NPEPL1: variants seen among roughly 807,000 people sequenced by gnomAD.
NPEPL1 encodes the protein probable aminopeptidase NPEPL1.
In NPEPL1, 45 loss-of-function variants were observed where a neutral mutation model predicts 52.4. The observed-to-expected ratio is 0.86, with a 90% confidence interval of 0.68 to 1.10. NPEPL1 has a LOEUF of 1.10. NPEPL1 is among the 50% of genes least tolerant of loss of function. The pLI is 0.00. For missense variants in NPEPL1, 696 were observed against 710.9 expected, an observed-to-expected ratio of 0.98 and a Z score of 0.24; for synonymous variants, 360 against 314.7, an observed-to-expected ratio of 1.14 and a Z score of -1.52.
At chr20:58,709,990 T>C (rs1455277330) in intron 7 of NPEPL1, among the ~76,000 whole-genome samples, 2 of 151,186 alleles carry the variant, frequency 1.3e-5, no homozygotes, top group African/African-American at 4.9e-5. Flanking sequence ...GATGCTGACA[T>C]TGGCAGAATC....
chr20:58,700,544 A>G (rs1259847119), intron 5 of NPEPL1, among the ~76,000 whole-genome samples: 4 of 152,222 alleles, frequency 2.6e-5, no homozygotes. Flanking sequence ...CTGCACACGC[A>G]CAGGCCACAG....
chr20:58,695,706 C>T (rs1267655054), intron 3 of NPEPL1, among the ~76,000 whole-genome samples: 1 of 152,222 alleles, frequency 6.6e-6, no homozygotes, highest in Non-Finnish European at 1.5e-5. Context: ...GCCCCTCAAC[C>T]CAAATTCTTC....
chr20:58,701,469 TGGGTTCGGGGAGAGTGCGCAGGGC>T (rs1255839228), intron 6 of NPEPL1, among the ~76,000 whole-genome samples: 5 of 31,118 alleles, frequency 1.6e-4, no homozygotes, highest in East Asian at 8.2e-4. Context: ...TGGGTTGGGG[TGGGTTCGGGGAGAGTGCGCAGGGC>T]GGGTTCCCAT....
chr20:58,691,705 T>TTTTTTTTTTTTTTTTTTTTGTG, upstream of NPEPL1: 1 of 750,052 alleles, frequency 1.3e-6, no homozygotes, highest in Admixed American at 3.2e-5. Flanking sequence ...TTTTTTTTTT[T>TTTTTTTTTTTTTTTTTTTTGTG]TTTTTTTTTC....
At chr20:58,691,336 A>G (rs1324791991), upstream of NPEPL1, 1 of 516,372 alleles carries the variant, frequency 1.9e-6, no homozygotes, top group Non-Finnish European at 3.5e-6. Flanking sequence ...TGAGGGTTTC[A>G]AAGGAATGCC....
chr20:58,690,972 T>G, upstream of NPEPL1: 1 of 595,280 alleles, frequency 1.7e-6, no homozygotes, highest in Non-Finnish European at 3.0e-6. Flanking sequence ...AGGAACCTTC[T>G]GTTCTAACCA....
chr20:58,695,500 C>T (rs979284114), intron 3 of NPEPL1, among the ~76,000 whole-genome samples: 1 of 152,192 alleles, frequency 6.6e-6, no homozygotes, highest in Non-Finnish European at 1.5e-5. Flanking sequence ...CGGCAGCGGT[C>T]CCAGCCTCTG....
intron 6 of NPEPL1, among the ~76,000 whole-genome samples, chr20:58,705,294 C>T (rs1601119455): frequency 6.6e-6 from 1 of 152,122 alleles, no homozygotes; most frequent in African/African-American, 2.4e-5. Flanking sequence ...CAGAGTGGCT[C>T]ATGGAGCTCA....
intron 6 of NPEPL1, among the ~76,000 whole-genome samples, chr20:58,702,582 G>GTAAT (rs2084655394): frequency 6.6e-6 from 1 of 152,082 alleles, no homozygotes; most frequent in African/African-American, 2.4e-5. Flanking sequence ...GTCTCTTGGG[G>GTAAT]TAATAGATGG....
chr20:58,692,682 GC>G, upstream of NPEPL1: 2 of 387,288 alleles, frequency 5.2e-6, no homozygotes, highest in Non-Finnish European at 7.0e-6. The surrounding 1 kb of genome is among the most constrained non-coding windows in gnomAD (Gnocchi z 5.7). Flanking sequence ...GCCCGGCCGG[GC>G]CTGCCCGCAC....
intron 5 of NPEPL1, 64 bp downstream of exon 5, chr20:58,699,342 C>A: frequency 7.7e-7 from 1 of 1,301,432 alleles, no homozygotes; most frequent in Non-Finnish European, 1.1e-6. Flanking sequence ...ACTTGGGTGG[C>A]AGGGGGTCGG....
Position 58,692,800 on chromosome 20 carries a change from A to AGGGCCGGGGCGGTGCCGAGGCC in NPEPL1, c.-93_-72dup, listed in dbSNP as rs1197424227. The AGGGCCGGGGCGGTGCCGAGGCC allele has an allele frequency of 2.1e-6, 2 of 969,204 alleles. No homozygotes were observed. Among genetic ancestry groups the AGGGCCGGGGCGGTGCCGAGGCC allele is most frequent in the South Asian group, 4.6e-5 (1 of 21,690 alleles). 60.0% of individuals were successfully genotyped at this position (969,204 alleles called of 1,614,324 possible). On this transcript the variant is annotated 5_prime_UTR_variant, in exon 1 of 12. Transcript: ENST00000356091. This position sits in a 1 kb window ranked among gnomAD's most constrained non-coding sequence, Gnocchi z 5.7. ...AGGCGGGGCCCGCGGGCTGCCGGGCAGGGCCGGGGCGGTGCCGAGGCCGGG... is the reference window on the plus strand; with the variant it reads ...AGGCGGGGCCCGCGGGCTGCCGGGCAGGGCCGGGGCGGTGCCGAGGCCGGGCCGGGGCGGTGCCGAGGCCGGG...
chr20:58,692,912 G>A lies in NPEPL1; in HGVS notation c.12G>A (p.Val4=). Residue 4 remains valine, a synonymous_variant, in exon 1 of 12, where the codon GTG becomes GTA. Coordinates refer to ENST00000356091, the MANE Select transcript of NPEPL1 (RefSeq NM_024663.4). The surrounding 1 kb of genome is among the most constrained non-coding windows in gnomAD (Gnocchi z 5.7). ...GGGCCGGCAGGAAGATGGCGAACGT[G>A]GGGCTGCAGTTCCAGGCGAGCGCGG... MAN[V]GLQFQASAGD... The A allele has an allele frequency of 4.6e-6, 5 of 1,083,040 alleles. No individual in the cohort carries two copies. The highest frequency in any genetic ancestry group is 1.1e-6 in the Non-Finnish European group (1 of 888,444). 67.1% of individuals were successfully genotyped at this position (1,083,040 alleles called of 1,614,324 possible).
At chr20:58,698,834 G>A (rs1400134029) in intron 4 of NPEPL1, 61 bp downstream of exon 4, 4 of 1,421,364 alleles carry the variant, frequency 2.8e-6, no homozygotes, top group Non-Finnish European at 3.9e-6. Context: ...TAGACTCCCA[G>A]GAGAGCCAGA....
Position 58,715,577 on chromosome 20 carries a change from T to G in NPEPL1, c.*251T>G. On this transcript the variant is annotated 3_prime_UTR_variant, in exon 12 of 12. Coordinates refer to ENST00000356091, the MANE Select transcript of NPEPL1 (RefSeq NM_024663.4). ...GACTGAGACATCTTCTGTAAACTGC[T>G]ACCCCTGGGGCCTTCTGCACCCCGG... The G allele has an allele frequency of 1.1e-5, 4 of 368,860 alleles. No individual in the cohort carries two copies. The highest frequency in any genetic ancestry group is 1.5e-5 in the Non-Finnish European group (3 of 205,480). The allele number at this position is 368,860 out of a possible 1,614,324, so 22.8% of individuals were successfully genotyped here. A position where few individuals can be genotyped will look rare whatever the true frequency, so the allele number is the denominator to read the frequency against.
Position 58,692,895 on chromosome 20 carries a change from A to G in NPEPL1, c.-6A>G, listed in dbSNP as rs1016312706. On this transcript the variant is annotated 5_prime_UTR_variant, in exon 1 of 12. Transcript: ENST00000356091. This position sits in a 1 kb window ranked among gnomAD's most constrained non-coding sequence, Gnocchi z 5.7. ...GGGCAGGGCCGGGGCGTGGGCCGGCAGGAAGATGGCGAACGTGGGGCTGCA... is the reference window on the plus strand; with the variant it reads ...GGGCAGGGCCGGGGCGTGGGCCGGCGGGAAGATGGCGAACGTGGGGCTGCA... The G allele has an allele frequency of 1.9e-6, 2 of 1,050,788 alleles. No homozygotes were observed. Among genetic ancestry groups the G allele is most frequent in the East Asian group, 6.7e-5 (1 of 14,862 alleles). 65.1% of individuals were successfully genotyped at this position (1,050,788 alleles called of 1,614,324 possible).
intron 6 of NPEPL1, chr20:58,703,356 C>A: frequency 2.0e-6 from 1 of 508,522 alleles, no homozygotes; most frequent in East Asian, 1.5e-4. Context: ...TTCAGAGATA[C>A]CGGCACACGG....
chr20:58,701,185 G>T, intron 6 of NPEPL1, 27 bp downstream of exon 6: 1 of 1,474,756 alleles, frequency 6.8e-7, no homozygotes, highest in Non-Finnish European at 9.1e-7. Flanking sequence ...CTCTCAGGGT[G>T]CCCTGGGGGA....
At chr20:58,690,030 C>G (rs991884603), upstream of NPEPL1, among the ~76,000 whole-genome samples, 1 of 152,180 alleles carries the variant, frequency 6.6e-6, no homozygotes, top group Admixed American at 6.5e-5. Flanking sequence ...TGAGTCTAAG[C>G]AGGCATTAGG....
Sources: gnomAD v4.1 joint callset for allele counts (sites outside exome capture counted in the v4.1 genomes callset) on GRCh38, gnomAD v4.1.1 for gene constraint, Gnocchi (gnomAD v3.1) non-coding constraint, MANE v1.5 for transcripts, NCBI Gene and HGNC (gene_info 2026-07-23, HGNC 2026-07-21) for gene names.